The following CNTNAP2 variants were observed in gnomAD, a reference collection of about 807,000 sequenced individuals.
CNTNAP2 encodes the protein contactin-associated protein-like 2.
In CNTNAP2, 98 loss-of-function variants were observed where a neutral mutation model predicts 155.2. That is an observed-to-expected ratio of 0.63 (90% confidence interval 0.54 to 0.75). The LOEUF (loss-of-function observed/expected upper bound fraction) is 0.75. Ranked by LOEUF, CNTNAP2 falls within the 30% of genes least tolerant of loss-of-function variation. The pLI is 0.00. For missense variants in CNTNAP2, 1,727 were observed against 1,688.1 expected (o/e 1.02, Z -0.40); for synonymous variants, 651 against 631.2 (o/e 1.03, Z -0.47).
At chr7:147,782,172 A>G (rs1393428358) in intron 13 of CNTNAP2, among the ~76,000 whole-genome samples, 1 of 152,232 alleles carries the variant, frequency 6.6e-6, no homozygotes, top group African/African-American at 2.4e-5. Context: ...AGTAAATGCA[A>G]AATAAAAATA....
intron 13 of CNTNAP2, among the ~76,000 whole-genome samples, chr7:147,712,090 C>T (rs960523661): frequency 2.0e-5 from 3 of 152,146 alleles, no homozygotes; most frequent in Non-Finnish European, 4.4e-5. Flanking sequence ...TCTTGCTCCA[C>T]GTTTCTTACT....
chr7:148,003,152 C>A (rs2116895846), intron 15 of CNTNAP2, among the ~76,000 whole-genome samples: 1 of 152,184 alleles, frequency 6.6e-6, no homozygotes, highest in East Asian at 1.9e-4. Context: ...GGAGCATCAA[C>A]CTCTATGTGT....
chr7:147,754,504 A>G (rs1277876875), intron 13 of CNTNAP2, among the ~76,000 whole-genome samples: 1 of 152,206 alleles, frequency 6.6e-6, no homozygotes, highest in Non-Finnish European at 1.5e-5. Context: ...TAGTTCTGTT[A>G]CTGCTTTCAA....
intron 3 of CNTNAP2, among the ~76,000 whole-genome samples, chr7:146,873,235 A>G (rs548729706): frequency 8.7e-5 from 13 of 148,588 alleles, no homozygotes; most frequent in Admixed American, 5.5e-4. Context: ...ACCCCATCCC[A>G]TCTCCACCCA....
At position 148,411,569 on chromosome 7, in the gene CNTNAP2, A is replaced by G. The variant is rs747252655; in HGVS notation, c.3796+2098A>G. ...GTGTGAGCCACCGTGCCCGGCCCCA[A>G]TCTTTTTTATAGTTTGTGGTTGGTT... is the stretch of plus-strand genomic sequence containing the variant. On this transcript the variant is annotated intron_variant, in intron 23 of 23. Coordinates refer to ENST00000361727, the MANE Select transcript of CNTNAP2 (RefSeq NM_014141.6). Among the ~76,000 whole-genome samples, 7 of 152,008 alleles carry G rather than the reference A, an allele frequency of 4.6e-5. No individual in the cohort carries two copies. In the South Asian group the frequency reaches 8.3e-4, roughly 18 times the overall value.
rs188151458 is a variant in CNTNAP2 at position 147,733,982 on chromosome 7, C to T, written c.2098+94676C>T. On this transcript the variant is annotated intron_variant, in intron 13 of 23. Transcript: ENST00000361727. Reference sequence around the variant, plus strand: ...GCAAACAAGGACAATTTGACTTCCTCTTTTCCTAATTGAATGCCCTTTATT... The same window carrying T: ...GCAAACAAGGACAATTTGACTTCCTTTTTTCCTAATTGAATGCCCTTTATT... 3.2e-3 allele frequency among the ~76,000 whole-genome samples: 490 copies of T among 152,304 alleles called. 4 individuals carry two copies. The highest frequency in any genetic ancestry group is 0.011 in the African/African-American group (461 of 41,556).
chr7:148,355,979 G>C (rs929781614), intron 21 of CNTNAP2, among the ~76,000 whole-genome samples: 2 of 152,130 alleles, frequency 1.3e-5, no homozygotes, highest in Admixed American at 6.5e-5. Flanking sequence ...ACAGAACTAA[G>C]CCCTGGCTTC....
intron 17 of CNTNAP2, among the ~76,000 whole-genome samples, chr7:148,162,389 T>G (rs944669782): frequency 6.6e-6 from 1 of 152,160 alleles, no homozygotes; most frequent in Non-Finnish European, 1.5e-5. Context: ...CTAGAAAATA[T>G]CCCCACTTTC....
chr7:146,550,499 C>T (rs1375418832), intron 1 of CNTNAP2, among the ~76,000 whole-genome samples: 3 of 134,660 alleles, frequency 2.2e-5, no homozygotes, highest in Admixed American at 8.4e-5. Context: ...CATAGAGTTC[C>T]TGATTTGGAA....
At chr7:147,461,771 A>G (rs1798029902) in intron 10 of CNTNAP2, among the ~76,000 whole-genome samples, 1 of 152,164 alleles carries the variant, frequency 6.6e-6, no homozygotes, top group African/African-American at 2.4e-5. Flanking sequence ...ATGCATATCT[A>G]TCATAGAACA....
chr7:147,658,796 C>T (rs1795569653), intron 13 of CNTNAP2, among the ~76,000 whole-genome samples: 1 of 152,182 alleles, frequency 6.6e-6, no homozygotes, highest in Non-Finnish European at 1.5e-5. Flanking sequence ...TCCCCTCCAG[C>T]TTCCCACTGA....
intron 1 of CNTNAP2, among the ~76,000 whole-genome samples, chr7:146,425,291 A>G (rs1348363148): frequency 6.6e-6 from 1 of 152,094 alleles, no homozygotes; most frequent in African/African-American, 2.4e-5. Flanking sequence ...TGAGTATAAA[A>G]CCCATTTTGT....
At chr7:147,320,031 AG>A (rs1217429072) in intron 9 of CNTNAP2, among the ~76,000 whole-genome samples, 1 of 152,226 alleles carries the variant, frequency 6.6e-6, no homozygotes, top group Non-Finnish European at 1.5e-5. Context: ...TTTGTATTCC[AG>A]TAAAACATTT....
chr7:147,648,305 C>G (rs1795400052), intron 13 of CNTNAP2, among the ~76,000 whole-genome samples: 1 of 152,120 alleles, frequency 6.6e-6, no homozygotes, highest in Non-Finnish European at 1.5e-5. Flanking sequence ...AAGAAGGGAG[C>G]TAAAGACAAG....
chr7:148,134,960 A>G (rs1804905881), intron 16 of CNTNAP2, among the ~76,000 whole-genome samples: 2 of 152,180 alleles, frequency 1.3e-5, no homozygotes, highest in African/African-American at 4.8e-5. Flanking sequence ...ATCATAGGGT[A>G]CATACTGTTT....
chr7:147,752,892 A>T (rs1797159252), intron 13 of CNTNAP2, among the ~76,000 whole-genome samples: 2 of 152,212 alleles, frequency 1.3e-5, no homozygotes, highest in African/African-American at 2.4e-5. Flanking sequence ...GGAATAGCAA[A>T]AAAAGGAAAA....
At chr7:147,658,675 A>T in intron 13 of CNTNAP2, among the ~76,000 whole-genome samples, 1 of 152,226 alleles carries the variant, frequency 6.6e-6, no homozygotes. Flanking sequence ...GAACAAGAGG[A>T]GTAAATGATA....
chr7:146,793,384 G>C (rs1351687238), intron 2 of CNTNAP2, among the ~76,000 whole-genome samples: 1 of 152,210 alleles, frequency 6.6e-6, no homozygotes, highest in Non-Finnish European at 1.5e-5. Flanking sequence ...AACATGCCAA[G>C]TCTGAGTAGC....
chr7:146,960,657 GTTGTTCTT>G (rs2129230329), intron 3 of CNTNAP2, among the ~76,000 whole-genome samples: 1 of 152,348 alleles, frequency 6.6e-6, no homozygotes, highest in East Asian at 1.9e-4. Context: ...GAAAATATTA[GTTGTTCTT>G]TATATCACTG....
Sources: gnomAD v4.1 joint callset for allele counts (sites outside exome capture counted in the v4.1 genomes callset) on GRCh38, gnomAD v4.1.1 for gene constraint, MANE v1.5 for transcripts, NCBI Gene and HGNC (gene_info 2026-07-23, HGNC 2026-07-21) for gene names.